C12orf60: variants seen among roughly 807,000 people sequenced by gnomAD.
C12orf60 encodes uncharacterized protein C12orf60.
For synonymous variants in C12orf60, 102 were observed against 94.6 expected, an observed-to-expected ratio of 1.08 and a Z score of -0.45; for missense variants, 284 against 283.2, an observed-to-expected ratio of 1.00 and a Z score of -0.02.
chr12:14,815,290 G>A (rs1376396878), intron 1 of C12orf60, among the ~76,000 whole-genome samples: 1 of 152,174 alleles, frequency 6.6e-6, no homozygotes. Context: ...GCCCCACCAC[G>A]TACGGATGTG....
intron 1 of C12orf60, among the ~76,000 whole-genome samples, chr12:14,812,188 T>C (rs1950150186): frequency 6.6e-6 from 1 of 152,238 alleles, no homozygotes; most frequent in African/African-American, 2.4e-5. Flanking sequence ...CTCACGCCTG[T>C]AATCCGAGCA....
chr12:14,822,768 A>T, intron 1 of C12orf60, 144 bp from the exon 2 acceptor site: 1 of 612,892 alleles, frequency 1.6e-6, no homozygotes, highest in Non-Finnish European at 2.7e-6. Flanking sequence ...ATTGAAGCAT[A>T]GTACCATTTT....
At chr12:14,817,128 G>A (rs2137278055) in intron 1 of C12orf60, among the ~76,000 whole-genome samples, 1 of 152,074 alleles carries the variant, frequency 6.6e-6, no homozygotes, top group Admixed American at 6.5e-5. Context: ...ACATATCAAA[G>A]GACTAATCAG....
chr12:14,813,344 T>TA (rs1950169495), intron 1 of C12orf60, among the ~76,000 whole-genome samples: 1 of 152,188 alleles, frequency 6.6e-6, no homozygotes, highest in Admixed American at 6.5e-5. Flanking sequence ...AAATAGGGTA[T>TA]AGGTAAAATC....
At chr12:14,805,759 G>T (rs980608130) in intron 1 of C12orf60, 2 of 486,070 alleles carry the variant, frequency 4.1e-6, no homozygotes, top group Admixed American at 3.8e-5. Flanking sequence ...GTAGAGCAGG[G>T]TGTGAAAACA....
intron 1 of C12orf60, among the ~76,000 whole-genome samples, chr12:14,819,628 T>C (rs1950275171): frequency 6.6e-6 from 1 of 152,154 alleles, no homozygotes; most frequent in Admixed American, 6.5e-5. Flanking sequence ...TTTATTATGT[T>C]AGCTGTGGTT....
chr12:14,805,141 A>T (rs1950028683), intron 1 of C12orf60: 1 of 152,192 alleles, frequency 6.6e-6, no homozygotes, highest in Non-Finnish European at 1.5e-5. Context: ...TGAAAATGAA[A>T]TTATATTCTT....
chr12:14,806,479 G>A (rs1950052956), intron 1 of C12orf60: 2 of 1,614,002 alleles, frequency 1.2e-6, no homozygotes, highest in Admixed American at 3.3e-5. Context: ...TGGATGATGA[G>A]GTCACAGTTT....
At chr12:14,812,853 C>T (rs1565418650) in intron 1 of C12orf60, among the ~76,000 whole-genome samples, 1 of 151,978 alleles carries the variant, frequency 6.6e-6, no homozygotes, top group Non-Finnish European at 1.5e-5. Flanking sequence ...ATCCTGTCAC[C>T]CAGATACTGA....
chr12:14,820,379 GCTTA>G (rs1950287496), intron 1 of C12orf60, among the ~76,000 whole-genome samples: 1 of 150,702 alleles, frequency 6.6e-6, no homozygotes, highest in African/African-American at 2.4e-5. Flanking sequence ...TTTTCCTTTT[GCTTA>G]CTTTGAATGT....
chr12:14,823,147 A>G lies in C12orf60; in HGVS notation c.212A>G (p.Gln71Arg). The G allele has an allele frequency of 6.2e-7, 1 of 1,614,192 alleles. No homozygotes were observed. Among genetic ancestry groups the G allele is most frequent in the Non-Finnish European group, 8.5e-7 (1 of 1,180,032 alleles). ...ATGCTCAAAATTTTTAAGGAGATGCAATCTGTAGTGGATGCAAGACATGAC... is the reference window on the plus strand; with the variant it reads ...ATGCTCAAAATTTTTAAGGAGATGCGATCTGTAGTGGATGCAAGACATGAC... ...EQMLKIFKEM[Q>R]SVVDARHDKI... Residue 71 changes from glutamine to arginine, a missense_variant, in exon 2 of 2, where the codon CAA (glutamine) becomes CGA (arginine). Coordinates refer to ENST00000330828, the MANE Select transcript of C12orf60 (RefSeq NM_175874.4).
chr12:14,815,283 C>T (rs1431036213), intron 1 of C12orf60, among the ~76,000 whole-genome samples: 2 of 152,076 alleles, frequency 1.3e-5, no homozygotes, highest in African/African-American at 4.8e-5. Context: ...ATCCAGGGCC[C>T]CACCACGTAC....
At chr12:14,819,442 T>C (rs577039046) in intron 1 of C12orf60, among the ~76,000 whole-genome samples, 1 of 151,568 alleles carries the variant, frequency 6.6e-6, no homozygotes, top group South Asian at 2.1e-4. Context: ...CTTGGGATTT[T>C]GTATGTAGAC....
At chr12:14,806,349 G>A in intron 1 of C12orf60, 2 of 1,614,210 alleles carry the variant, frequency 1.2e-6, no homozygotes, top group Non-Finnish European at 1.7e-6. Context: ...TTGCACTATT[G>A]CAATTTTGTC....
intron 1 of C12orf60, among the ~76,000 whole-genome samples, chr12:14,819,062 A>C (rs563165369): frequency 6.8e-4 from 104 of 152,266 alleles, no homozygotes; most frequent in Non-Finnish European, 1.1e-3. Context: ...AATTCTGTGG[A>C]GTAATTTGGG....
chr12:14,818,211 G>A (rs910464471), intron 1 of C12orf60, among the ~76,000 whole-genome samples: 1 of 152,124 alleles, frequency 6.6e-6, no homozygotes, highest in African/African-American at 2.4e-5. Flanking sequence ...GTAAATTCTA[G>A]ATATTAGACC....
chr12:14,808,061 G>T (rs1950080486), intron 1 of C12orf60, among the ~76,000 whole-genome samples: 1 of 152,142 alleles, frequency 6.6e-6, no homozygotes, highest in East Asian at 1.9e-4. Context: ...AGCTACTCTG[G>T]AGACTGAGGC....
chr12:14,806,631 T>C, intron 1 of C12orf60: 1 of 1,611,482 alleles, frequency 6.2e-7, no homozygotes, highest in Non-Finnish European at 8.5e-7. Flanking sequence ...ACGATTTACT[T>C]CTTCCCGCCT....
chr12:14,806,651 C>T, intron 1 of C12orf60: 1 of 1,608,112 alleles, frequency 6.2e-7, no homozygotes, highest in Non-Finnish European at 8.5e-7. Flanking sequence ...TTTTTGGGTT[C>T]TCTGGGTAAA....
Sources: allele counts gnomAD v4.1 joint callset (sites outside exome capture counted in the v4.1 genomes callset), GRCh38; gene constraint gnomAD v4.1.1; transcripts MANE v1.5; gene names NCBI Gene and HGNC (gene_info 2026-07-23, HGNC 2026-07-21).